The following CEP78 variants were observed in gnomAD, a reference collection of about 807,000 sequenced individuals.
The protein encoded by CEP78 is centrosomal protein of 78 kDa.
Under a neutral mutation model 81.2 loss-of-function variants are expected in CEP78, and 76 were observed. The observed-to-expected ratio is 0.94, with a 90% confidence interval of 0.78 to 1.13. The LOEUF (loss-of-function observed/expected upper bound fraction) is 1.13, where lower values mean the gene tolerates loss of function less well. CEP78 is among the 50% of genes most tolerant of loss of function. CEP78 has a pLI of 0.00. For synonymous variants in CEP78, 293 were observed against 301.4 expected (o/e 0.97, Z 0.29); for missense variants, 918 against 846.8 (o/e 1.08, Z -1.04).
chr9:78,277,044 A>G lies in CEP78; in HGVS notation c.*6193A>G, dbSNP rs1297508527. On this transcript the variant is annotated 3_prime_UTR_variant, in exon 17 of 17. Coordinates refer to ENST00000643273, the MANE Select transcript of CEP78 (RefSeq NM_001330691.3). ...AGAACCTAGGAACAGAGCAATGTAT[A>G]TATATATGTATTTAAAAAATGGCAT... The G allele has an allele frequency of 6.6e-6, 1 of 152,166 alleles. No homozygotes were observed. Among genetic ancestry groups the G allele is most frequent in the Admixed American group, 6.5e-5 (1 of 15,280 alleles). The allele number at this position is 152,166 out of a possible 1,614,324, so 9.4% of individuals were successfully genotyped here. A position where few individuals can be genotyped will look rare whatever the true frequency, so the allele number is the denominator to read the frequency against.
At chr9:78,266,828 A>G (rs1170876433) in intron 16 of CEP78, 125 bp downstream of exon 16, 1 of 1,470,386 alleles carries the variant, frequency 6.8e-7, no homozygotes, top group Non-Finnish European at 9.0e-7. Context: ...TTAATGAACC[A>G]ATTAAAAGTA....
intron 8 of CEP78, chr9:78,249,985 C>G (rs993428752): frequency 1.0e-5 from 3 of 301,046 alleles, no homozygotes; most frequent in Non-Finnish European, 1.8e-5. Flanking sequence ...TGAAGGATAT[C>G]ACTTGACTTA....
At chr9:78,239,526 A>C (rs1032735746) in intron 1 of CEP78, among the ~76,000 whole-genome samples, 23 of 152,156 alleles carry the variant, frequency 1.5e-4, no homozygotes, top group Admixed American at 1.5e-3. Context: ...ACATTTTTCT[A>C]ACCTGCTAGG....
At chr9:78,246,001 T>G (rs1563981695) in intron 5 of CEP78, among the ~76,000 whole-genome samples, 1 of 152,196 alleles carries the variant, frequency 6.6e-6, no homozygotes, top group Non-Finnish European at 1.5e-5. Flanking sequence ...CCACCCAGTT[T>G]TTGCCTGTGA....
intron 11 of CEP78, among the ~76,000 whole-genome samples, chr9:78,257,396 A>G (rs1827088467): frequency 1.3e-5 from 2 of 152,176 alleles, no homozygotes; most frequent in South Asian, 2.1e-4. Flanking sequence ...CTCCTGCGCT[A>G]TACTTTTTCT....
intron 15 of CEP78, 103 bp from the exon 16 acceptor site, chr9:78,266,339 T>C (rs1268437194): frequency 4.4e-6 from 4 of 900,228 alleles, no homozygotes; most frequent in Non-Finnish European, 6.6e-6. Flanking sequence ...AAAAATGACC[T>C]GGAAATCTTC....
chr9:78,265,798 TAGAGA>T, intron 14 of CEP78, 56 bp from the exon 15 acceptor site: 1 of 890,492 alleles, frequency 1.1e-6, no homozygotes, highest in Non-Finnish European at 1.8e-6. Context: ...AATGAAAGAT[TAGAGA>T]AATGATTTTC....
In CEP78 at chr9:78,253,235, T is replaced by C; in HGVS notation, c.1209T>C (p.Gly403=). Reference sequence around the variant, plus strand: ...TAATTTATCGATATCTTTTTAGGGGTTTCCCATTAATCAAAACACGTGATA... The same window carrying C: ...TAATTTATCGATATCTTTTTAGGGGCTTCCCATTAATCAAAACACGTGATA... The part of the protein sequence containing the change: ...RTAERAKRHR[G]FPLIKTRDIC... The change falls in exon 10 of 17, where the codon GGT becomes GGC. Residue 403 remains glycine (G), a synonymous_variant. Transcript: ENST00000643273. The C allele has an allele frequency of 7.6e-7, 1 of 1,323,336 alleles. No homozygotes were observed. Among genetic ancestry groups the C allele is most frequent in the Non-Finnish European group, 1.1e-6 (1 of 930,546 alleles). 82.0% of individuals were successfully genotyped at this position (1,323,336 alleles called of 1,614,324 possible).
At chr9:78,256,409 T>G (rs2118363359) in intron 11 of CEP78, among the ~76,000 whole-genome samples, 1 of 152,166 alleles carries the variant, frequency 6.6e-6, no homozygotes, top group Non-Finnish European at 1.5e-5. Flanking sequence ...GGGTAGATAG[T>G]GTGGATTTTG....
In CEP78 at chr9:78,274,788, T is replaced by A. The variant is rs1358411857; in HGVS notation, c.*3937T>A. 1 of 152,128 alleles carries A rather than the reference T, an allele frequency of 6.6e-6. No individual in the cohort carries two copies. The highest frequency in any genetic ancestry group is 1.9e-4 in the East Asian group (1 of 5,200). 9.4% of individuals were successfully genotyped at this position (152,128 alleles called of 1,614,324 possible). ...GGAGAAATCAAAATAAATTGCAAAT[T>A]ATTTAGAATTAATAAAAACTTCTCT... On this transcript the variant is annotated 3_prime_UTR_variant, in exon 17 of 17. Transcript: ENST00000643273.
Position 78,253,293 on chromosome 9 carries a change from GT to G in CEP78, c.1251+19del. 2.5e-6 allele frequency: 3 copies of G among 1,183,234 alleles called. No individual in the cohort carries two copies. Among genetic ancestry groups the G allele is most frequent in the Admixed American group, 1.9e-5 (1 of 53,056 alleles). The allele number at this position is 1,183,234 out of a possible 1,614,324, so 73.3% of individuals were successfully genotyped here. A position where few individuals can be genotyped will look rare whatever the true frequency, so the allele number is the denominator to read the frequency against. ...TCAGTTGCAGGTACGTAGTTACCAT[GT>G]TTATAATATGTAGGGGATTGGAATG... On this transcript the variant is annotated intron_variant, in intron 10 of 16. Transcript: ENST00000643273.
At position 78,236,243 on chromosome 9, in the gene CEP78, C is replaced by T. The variant is rs1209293962; in HGVS notation, c.-108C>T. On this transcript the variant is annotated 5_prime_UTR_variant, in exon 1 of 17. Transcript: ENST00000643273. ...TCCTGAGCCCGGTGCGGGGCTGCCG[C>T]TATCGCCTGGCCGTGGGTGCCGGAG... The T allele has an allele frequency of 9.3e-6, 9 of 966,684 alleles. No individual in the cohort carries two copies. The highest frequency in any genetic ancestry group is 8.5e-5 in the African/African-American group (5 of 58,928). The allele number at this position is 966,684 out of a possible 1,614,324, so 59.9% of individuals were successfully genotyped here. A position where few individuals can be genotyped will look rare whatever the true frequency, so the allele number is the denominator to read the frequency against.
chr9:78,242,480 G>T (rs1022173158), intron 4 of CEP78, among the ~76,000 whole-genome samples: 1 of 152,134 alleles, frequency 6.6e-6, no homozygotes, highest in Non-Finnish European at 1.5e-5. Context: ...TTAGTTAACC[G>T]CTCTGTTCCT....
intron 1 of CEP78, among the ~76,000 whole-genome samples, chr9:78,239,459 G>A (rs1047772902): frequency 2.0e-5 from 3 of 152,220 alleles, no homozygotes; most frequent in African/African-American, 7.2e-5. Context: ...AGTTGGTCTT[G>A]AGGAAGGGGA....
intron 5 of CEP78, among the ~76,000 whole-genome samples, chr9:78,246,243 A>G (rs532207609): frequency 1.3e-5 from 2 of 152,282 alleles, no homozygotes; most frequent in African/African-American, 4.8e-5. Flanking sequence ...AAAACTGGCC[A>G]TGAGTAGTCT....
At chr9:78,264,761 AT>A (rs1412975439) in intron 13 of CEP78, among the ~76,000 whole-genome samples, 1 of 152,084 alleles carries the variant, frequency 6.6e-6, no homozygotes, top group Non-Finnish European at 1.5e-5. Flanking sequence ...ATGTATAGGA[AT>A]TTTTCTTTTA....
At chr9:78,268,805 C>T (rs1050498216) in intron 16 of CEP78, among the ~76,000 whole-genome samples, 19 of 151,770 alleles carry the variant, frequency 1.3e-4, no homozygotes, top group Non-Finnish European at 2.4e-4. Flanking sequence ...TAGAGGTGCC[C>T]GCCACCATGC....
rs1827750160 is a variant in CEP78 at position 78,273,885 on chromosome 9, A to G, written c.*3034A>G. The G allele has an allele frequency of 6.6e-6, 1 of 152,250 alleles. No homozygotes were observed. Among genetic ancestry groups the G allele is most frequent in the Non-Finnish European group, 1.5e-5 (1 of 68,038 alleles). The allele number at this position is 152,250 out of a possible 1,614,324, so 9.4% of individuals were successfully genotyped here. A position where few individuals can be genotyped will look rare whatever the true frequency, so the allele number is the denominator to read the frequency against. On this transcript the variant is annotated 3_prime_UTR_variant, in exon 17 of 17. Transcript: ENST00000643273. ...GATCGACTGCTGCACACACACTAGAATGGCTAACATTTTGAAATGCTGATA... is the reference window on the plus strand; with the variant it reads ...GATCGACTGCTGCACACACACTAGAGTGGCTAACATTTTGAAATGCTGATA...
intron 3 of CEP78, 39 bp from the exon 4 acceptor site, chr9:78,241,657 T>C: frequency 1.1e-6 from 1 of 940,602 alleles, no homozygotes. Flanking sequence ...TTGTATATGC[T>C]CTTCATCTTA....
Sources: gnomAD v4.1 joint callset for allele counts (sites outside exome capture counted in the v4.1 genomes callset) on GRCh38, gnomAD v4.1.1 for gene constraint, MANE v1.5 for transcripts, NCBI Gene and HGNC (gene_info 2026-07-23, HGNC 2026-07-21) for gene names.